The following BEGAIN variants were observed in gnomAD, a reference collection of about 807,000 sequenced individuals.
BEGAIN encodes brain enriched guanylate kinase associated.
BEGAIN carries 19 observed loss-of-function variants against 35.8 expected under a neutral mutation model. The ratio of observed to expected loss-of-function variants is 0.53; its 90% CI spans 0.37 to 0.78. The LOEUF is 0.78. BEGAIN is among the 30% of genes least tolerant of loss of function. BEGAIN has a pLI of 0.00. For missense variants in BEGAIN, 795 were observed against 853.6 expected (o/e 0.93, Z 0.85); for synonymous variants, 462 against 388.6 (o/e 1.19, Z -2.22).
intron 1 of BEGAIN, among the ~76,000 whole-genome samples, chr14:100,574,270 G>T (rs2139748313): frequency 6.6e-6 from 1 of 152,360 alleles, no homozygotes; most frequent in South Asian, 2.1e-4. Context: ...GCTTGGGGCT[G>T]TCCCCAGATG....
rs187098070 is a variant in BEGAIN, at chr14:100,538,875, G to T, written c.933C>A (p.Gly311=). Residue 311 remains glycine, a synonymous_variant, in exon 7 of 7, where the codon GGC becomes GGA. Transcript: ENST00000554140. ...AGTAGGAGCTGGACGTGGGCAGTGA[G>T]CCTGCGTAGCTGGGGAAGGCCTCAT... ...FQHEAFPSYA[G]SLPTSSSYSS... 2.2e-5 allele frequency: 35 copies of T among 1,607,970 alleles called. No homozygotes were observed. In the East Asian group the frequency reaches 7.2e-4, roughly 33 times the overall value.
At position 100,567,845 on chromosome 14, in the gene BEGAIN, C is replaced by T; in HGVS notation, c.71+66G>A. On this transcript the variant is annotated intron_variant, in intron 2 of 6. Transcript: ENST00000554140. This position sits in a 1 kb window ranked among gnomAD's most constrained non-coding sequence, Gnocchi z 5.1. Reference sequence around the variant, plus strand: ...CTCGGGTGGAGCCCCCTTCCCCCGCCTTCCCCAGCGCCCTCACCCCCGACC... The same window carrying T: ...CTCGGGTGGAGCCCCCTTCCCCCGCTTTCCCCAGCGCCCTCACCCCCGACC... The T allele has an allele frequency of 1.4e-6, 2 of 1,432,722 alleles. No homozygotes were observed. Among genetic ancestry groups the T allele is most frequent in the African/African-American group, 1.5e-5 (1 of 66,268 alleles). The allele number at this position is 1,432,722 out of a possible 1,614,324, so 88.8% of individuals were successfully genotyped here.
Position 100,563,033 on chromosome 14 carries a change from G to C in BEGAIN, c.71+4878C>G, listed in dbSNP as rs1026460927. Reference sequence around the variant, plus strand: ...TGGGTGGGAGAGGGTGCCCTTTGAGGGGGGGCGTGGAGGGGCAGGGCAGGA... The same window carrying C: ...TGGGTGGGAGAGGGTGCCCTTTGAGCGGGGGCGTGGAGGGGCAGGGCAGGA... On this transcript the variant is annotated intron_variant, in intron 2 of 6. Transcript: ENST00000554140. This position sits in a 1 kb window ranked among gnomAD's most constrained non-coding sequence, Gnocchi z 4.2. Among the ~76,000 whole-genome samples the C allele has an allele frequency of 1.3e-5, 2 of 152,200 alleles. No homozygotes were observed. Among genetic ancestry groups the C allele is most frequent in the South Asian group, 4.1e-4 (2 of 4,828 alleles).
At chr14:100,583,969 G>A (rs192254261) in intron 1 of BEGAIN, among the ~76,000 whole-genome samples, 165 of 152,264 alleles carry the variant, frequency 1.1e-3, no homozygotes, top group Non-Finnish European at 1.7e-3. Flanking sequence ...AAAGTGCTGG[G>A]ATTACAGGCG....
chr14:100,555,590 G>A (rs1306919820), intron 2 of BEGAIN, among the ~76,000 whole-genome samples: 1 of 152,242 alleles, frequency 6.6e-6, no homozygotes, highest in East Asian at 1.9e-4. Context: ...CAGCGCTCAA[G>A]GAACAGGGCC....
At position 100,568,798 on chromosome 14, in the gene BEGAIN, C is replaced by G; in HGVS notation, c.43-859G>C. 1 of 921,368 alleles carries G rather than the reference C, an allele frequency of 1.1e-6. No individual in the cohort carries two copies. Among genetic ancestry groups the G allele is most frequent in the African/African-American group, 1.8e-5 (1 of 55,966 alleles). 57.1% of individuals were successfully genotyped at this position (921,368 alleles called of 1,614,324 possible). ...TGGGGGCGCCGGGCGGGCTCTCTAT[C>G]ACCCGGGAGAGGCCGCTCCCCGGGG... On this transcript the variant is annotated intron_variant, in intron 1 of 6. Transcript: ENST00000554140. The surrounding 1 kb of genome is among the most constrained non-coding windows in gnomAD (Gnocchi z 7.5).
Position 100,568,167 on chromosome 14 carries a change from C to G in BEGAIN, c.43-228G>C, listed in dbSNP as rs772894362. The G allele has an allele frequency of 2.0e-5, 18 of 893,982 alleles. No homozygotes were observed. Among genetic ancestry groups the G allele is most frequent in the Non-Finnish European group, 1.9e-5 (14 of 742,644 alleles). The allele number at this position is 893,982 out of a possible 1,614,324, so 55.4% of individuals were successfully genotyped here. A position where few individuals can be genotyped will look rare whatever the true frequency, so the allele number is the denominator to read the frequency against. Reference sequence around the variant, plus strand: ...AGGTGAGCCCGCCCGGGCCGCCGCGCTCCCCGCACCGAGTTACGCCCCCCG... The same window carrying G: ...AGGTGAGCCCGCCCGGGCCGCCGCGGTCCCCGCACCGAGTTACGCCCCCCG... On this transcript the variant is annotated intron_variant, in intron 1 of 6. Coordinates refer to ENST00000554140, the MANE Select transcript of BEGAIN (RefSeq NM_001385089.1). This position sits in a 1 kb window ranked among gnomAD's most constrained non-coding sequence, Gnocchi z 7.5.
At chr14:100,559,520 G>A (rs2034051156) in intron 2 of BEGAIN, among the ~76,000 whole-genome samples, 1 of 152,230 alleles carries the variant, frequency 6.6e-6, no homozygotes, top group African/African-American at 2.4e-5. Context: ...TCGCAATTCA[G>A]CACTTCGATT....
At chr14:100,560,277 C>A (rs551356041) in intron 2 of BEGAIN, among the ~76,000 whole-genome samples, 40 of 152,342 alleles carry the variant, frequency 2.6e-4, no homozygotes, top group African/African-American at 9.4e-4. Flanking sequence ...CTACCGCACT[C>A]TGAGCTGACA....
intron 4 of BEGAIN, among the ~76,000 whole-genome samples, 192 bp downstream of exon 4, chr14:100,544,808 C>T (rs2032151790): frequency 1.3e-5 from 2 of 152,232 alleles, no homozygotes; most frequent in South Asian, 4.1e-4. Flanking sequence ...TCAGGCAGCA[C>T]AGGGCAGCCC....
chr14:100,574,017 C>T (rs1045764937), intron 1 of BEGAIN, among the ~76,000 whole-genome samples: 3 of 152,034 alleles, frequency 2.0e-5, no homozygotes, highest in Non-Finnish European at 4.4e-5. Context: ...AGGAGGAGAG[C>T]GGGATCATCG....
chr14:100,576,257 CAGAGCAGGCCA>C (rs2035199510), intron 1 of BEGAIN, among the ~76,000 whole-genome samples: 3 of 152,152 alleles, frequency 2.0e-5, no homozygotes, highest in African/African-American at 7.2e-5. Flanking sequence ...CATCCCTGGA[CAGAGCAGGCCA>C]CCTGAGGGCC....
rs2035449982 is a variant in BEGAIN, at chr14:100,586,605, G to T, written c.42+644C>A. Reference sequence around the variant, plus strand: ...TCCAACGTGCTGGGGCTCAGGGAGGGTGAGCGCGCCGGCTGAGCCGCTCTG... The same window carrying T: ...TCCAACGTGCTGGGGCTCAGGGAGGTTGAGCGCGCCGGCTGAGCCGCTCTG... On this transcript the variant is annotated intron_variant, in intron 1 of 6. Transcript: ENST00000554140. This position sits in a 1 kb window ranked among gnomAD's most constrained non-coding sequence, Gnocchi z 4.9. Among the ~76,000 whole-genome samples the T allele has an allele frequency of 6.6e-6, 1 of 152,180 alleles. No homozygotes were observed. Among genetic ancestry groups the T allele is most frequent in the Non-Finnish European group, 1.5e-5 (1 of 68,036 alleles).
Position 100,568,118 on chromosome 14 carries a change from C to T in BEGAIN, c.43-179G>A, listed in dbSNP as rs1191913501. 1 of 1,015,958 alleles carries T rather than the reference C, an allele frequency of 9.8e-7. No individual in the cohort carries two copies. The highest frequency in any genetic ancestry group is 1.2e-6 in the Non-Finnish European group (1 of 850,466). 62.9% of individuals were successfully genotyped at this position (1,015,958 alleles called of 1,614,324 possible). On this transcript the variant is annotated intron_variant, in intron 1 of 6. Transcript: ENST00000554140. This position sits in a 1 kb window ranked among gnomAD's most constrained non-coding sequence, Gnocchi z 7.5. ...GCCGCGGCCCCCGTGACTCAGTGGG[C>T]GCGCCGGGCCGCGGCCGAGTAACAG...
rs2034924508 is a variant in BEGAIN at position 100,568,609 on chromosome 14, G to C, written c.43-670C>G. The C allele has an allele frequency of 9.9e-7, 1 of 1,005,778 alleles. No individual in the cohort carries two copies. The highest frequency in any genetic ancestry group is 2.9e-5 in the Admixed American group (1 of 34,056). The allele number at this position is 1,005,778 out of a possible 1,614,324, so 62.3% of individuals were successfully genotyped here. A position where few individuals can be genotyped will look rare whatever the true frequency, so the allele number is the denominator to read the frequency against. On this transcript the variant is annotated intron_variant, in intron 1 of 6. Coordinates refer to ENST00000554140, the MANE Select transcript of BEGAIN (RefSeq NM_001385089.1). This position sits in a 1 kb window ranked among gnomAD's most constrained non-coding sequence, Gnocchi z 7.5. ...CTCCCTGCCTTGCTTGCGCAGACCC[G>C]CCCGCGCGCGGCTTGGAGACCCTCC...
At chr14:100,553,983 G>A (rs943318690) in intron 2 of BEGAIN, among the ~76,000 whole-genome samples, 6 of 152,168 alleles carry the variant, frequency 3.9e-5, no homozygotes, top group Non-Finnish European at 5.9e-5. Flanking sequence ...GGTCAGGGCT[G>A]GAGCCCCAGG....
At chr14:100,548,393 C>T (rs190270739) in intron 2 of BEGAIN, 1 of 152,310 alleles carries the variant, frequency 6.6e-6, no homozygotes, top group Admixed American at 6.5e-5. Context: ...CACAGCAGCC[C>T]CTGAAGTCGA....
chr14:100,583,802 T>G (rs1403823846), intron 1 of BEGAIN, among the ~76,000 whole-genome samples: 2 of 150,792 alleles, frequency 1.3e-5, no homozygotes, highest in Non-Finnish European at 2.9e-5. Flanking sequence ...GTTCAAGCAA[T>G]TCTCCTGTCT....
At position 100,587,371 on chromosome 14, in the gene BEGAIN, C is replaced by A. The variant is rs1291915479; in HGVS notation, c.-81G>T. 6.8e-6 allele frequency: 1 copy of A among 146,358 alleles called. No individual in the cohort carries two copies. Among genetic ancestry groups the A allele is most frequent in the African/African-American group, 2.5e-5 (1 of 40,690 alleles). 9.1% of individuals were successfully genotyped at this position (146,358 alleles called of 1,614,324 possible). A position where few individuals can be genotyped will look rare whatever the true frequency, so the allele number is the denominator to read the frequency against. ...CTCCGAGGCCGAGCGCGCCGGGAGCCGGCGCGGCCGGGGCTCCCCCACCCC... is the reference window on the plus strand; with the variant it reads ...CTCCGAGGCCGAGCGCGCCGGGAGCAGGCGCGGCCGGGGCTCCCCCACCCC... On this transcript the variant is annotated 5_prime_UTR_variant, in exon 1 of 7. Transcript: ENST00000554140.
Sources: allele counts gnomAD v4.1 joint callset (sites outside exome capture counted in the v4.1 genomes callset), GRCh38; gene constraint gnomAD v4.1.1; non-coding constraint Gnocchi (gnomAD v3.1); transcripts MANE v1.5; gene names NCBI Gene and HGNC (gene_info 2026-07-23, HGNC 2026-07-21).